Variants in SLC14A1 observed in about 807,000 individuals in gnomAD.
The protein encoded by SLC14A1 is solute carrier family 14 member 1 (Kidd blood group), also known as urea transporter 1.
In SLC14A1, 36 loss-of-function variants were observed where a neutral mutation model predicts 39.6. The observed-to-expected ratio is 0.91, with a 90% confidence interval of 0.70 to 1.20. The LOEUF (loss-of-function observed/expected upper bound fraction) is 1.20. Among genes scored for constraint, SLC14A1 ranks in the 50% most tolerant of loss-of-function variants. SLC14A1 has a pLI of 0.00. For synonymous variants in SLC14A1, 164 were observed against 173.6 expected (o/e 0.94, Z 0.43); for missense variants, 469 against 478.7 (o/e 0.98, Z 0.19).
chr18:45,734,077 A>T, intron 4 of SLC14A1, 197 bp from the exon 5 acceptor site: 2 of 644,498 alleles, frequency 3.1e-6, no homozygotes, highest in Non-Finnish European at 5.2e-6. Flanking sequence ...ATGCACATTT[A>T]TATTTTTATC....
intron 2 of SLC14A1, among the ~76,000 whole-genome samples, chr18:45,726,409 T>C (rs570163075): frequency 1.3e-5 from 2 of 152,272 alleles, no homozygotes; most frequent in African/African-American, 4.8e-5. Context: ...CAATGGAAGT[T>C]TTAAAAAGGA....
At chr18:45,730,104 A>G (rs545249563) in intron 2 of SLC14A1, 196 bp from the exon 3 acceptor site, 2 of 528,002 alleles carry the variant, frequency 3.8e-6, no homozygotes, top group South Asian at 7.2e-5. Flanking sequence ...GTAGCATTAC[A>G]GACACTGATG....
At chr18:45,728,477 G>T (rs551783793) in intron 2 of SLC14A1, among the ~76,000 whole-genome samples, 22 of 152,232 alleles carry the variant, frequency 1.4e-4, no homozygotes, top group African/African-American at 5.3e-4. Context: ...GCTTGTCCTT[G>T]CCTGAGCTGA....
chr18:45,734,400 T>C lies in SLC14A1; in HGVS notation c.468T>C (p.Thr156=), dbSNP rs1010416191. 6.2e-7 allele frequency: 1 copy of C among 1,612,176 alleles called. No individual in the cohort carries two copies. Among genetic ancestry groups the C allele is most frequent in the African/African-American group, 1.3e-5 (1 of 74,652 alleles). The change falls in exon 5 of 10, where the codon ACT becomes ACC. Residue 156 remains threonine, a splice_region_variant and synonymous_variant. Coordinates refer to ENST00000321925, the MANE Select transcript of SLC14A1 (RefSeq NM_015865.7). ...LLLPVCAMSM[T]CPIFSSALNS... ...TCCCTGTATGTGCTATGTCCATGAC[T>C]TGGTAAGTTACAATTGGTTTTCAAA...
chr18:45,742,312 GT>G (rs1314576791), intron 8 of SLC14A1, among the ~76,000 whole-genome samples: 2 of 150,436 alleles, frequency 1.3e-5, no homozygotes, highest in Admixed American at 1.3e-4. Context: ...TGGCGACGAG[GT>G]TTTTGTTTTT....
intron 2 of SLC14A1, among the ~76,000 whole-genome samples, chr18:45,725,884 GCTCAAGGAAGGGGTT>G (rs1174339334): frequency 2.0e-5 from 3 of 152,176 alleles, no homozygotes; most frequent in Non-Finnish European, 4.4e-5. Context: ...TTGATGTTGA[GCTCAAGGAAGGGGTT>G]CTCCAAGGTG....
chr18:45,742,098 G>C (rs2047392613), intron 8 of SLC14A1, among the ~76,000 whole-genome samples: 1 of 152,114 alleles, frequency 6.6e-6, no homozygotes, highest in Non-Finnish European at 1.5e-5. Context: ...GGGAGAAGAA[G>C]AAGTCCATAG....
chr18:45,749,745 G>T, intron 9 of SLC14A1, 33 bp from the exon 10 acceptor site: 1 of 1,614,024 alleles, frequency 6.2e-7, no homozygotes, highest in Non-Finnish European at 8.5e-7. Flanking sequence ...GATGGGATCT[G>T]AAAGGAGCGT....
Position 45,734,435 on chromosome 18 carries a change from T to C in SLC14A1, c.470+33T>C, listed in dbSNP as rs74597469. ...ACAATTGGTTTTCAAAATGCCTTTT[T>C]GAAAAAAAAAACATGGCAGAAGGAG... On this transcript the variant is annotated intron_variant, in intron 5 of 9. Transcript: ENST00000321925. 11 of 1,509,680 alleles carry C rather than the reference T, an allele frequency of 7.3e-6. No homozygotes were observed. The Admixed American group carries it at 2.2e-4, about 30-fold the overall frequency. The allele number at this position is 1,509,680 out of a possible 1,614,324, so 93.5% of individuals were successfully genotyped here.
intron 8 of SLC14A1, 23 bp downstream of exon 8, chr18:45,739,685 G>A: frequency 1.9e-6 from 3 of 1,614,028 alleles, no homozygotes; most frequent in Admixed American, 3.3e-5. Context: ...CGCCCCTGGG[G>A]GAGGGCTGCT....
Position 45,731,246 on chromosome 18 carries a change from C to T in SLC14A1, c.341+42C>T, listed in dbSNP as rs776636321. 8.2e-6 allele frequency: 13 copies of T among 1,575,960 alleles called. No homozygotes were observed. In the African/African-American group the frequency reaches 1.6e-4, roughly 20 times the overall value. ...AAGCCTTCTCAGCTCCCTTCTGAGA[C>T]ACAGGGGCTGACCAGTTACTGTGGG... On this transcript the variant is annotated intron_variant, in intron 4 of 9. Coordinates refer to ENST00000321925, the MANE Select transcript of SLC14A1 (RefSeq NM_015865.7).
In SLC14A1 at chr18:45,750,008, T is replaced by C; in HGVS notation, c.*57T>C. The stretch of plus-strand genomic sequence containing the variant: ...GTCATTTCTGCCTGACTGCTCCAGC[T>C]AACTTCCAGGGTCTCAGCAAACTGC... On this transcript the variant is annotated 3_prime_UTR_variant, in exon 10 of 10. Transcript: ENST00000321925. 1 of 1,613,636 alleles carries C rather than the reference T, an allele frequency of 6.2e-7. No individual in the cohort carries two copies. The highest frequency in any genetic ancestry group is 8.5e-7 in the Non-Finnish European group (1 of 1,180,028).
Position 45,751,890 on chromosome 18 carries a change from C to T in SLC14A1, c.*1939C>T, listed in dbSNP as rs936453117. 6 of 984,834 alleles carry T rather than the reference C, an allele frequency of 6.1e-6. No individual in the cohort carries two copies. Among genetic ancestry groups the T allele is most frequent in the Middle Eastern group, 5.2e-4 (1 of 1,936 alleles). 61.0% of individuals were successfully genotyped at this position (984,834 alleles called of 1,614,324 possible). ...GTATTTTGGAGGTTGGAAAGTGAAA[C>T]GTAGGAATCCTGAAGATTTTTTCCA... On this transcript the variant is annotated 3_prime_UTR_variant, in exon 10 of 10. Transcript: ENST00000321925.
At chr18:45,728,503 A>G (rs901523673) in intron 2 of SLC14A1, among the ~76,000 whole-genome samples, 1 of 152,156 alleles carries the variant, frequency 6.6e-6, no homozygotes, top group Non-Finnish European at 1.5e-5. Flanking sequence ...GATGCCTCCC[A>G]TAAGTTGGTA....
intron 2 of SLC14A1, among the ~76,000 whole-genome samples, chr18:45,725,553 C>T (rs16978467): frequency 0.029 from 4,426 of 152,184 alleles, 84 homozygotes; most frequent in South Asian, 0.043. Context: ...TCAAAGTGAC[C>T]GTGAAGATAG....
rs1282242772 is a variant in SLC14A1, at chr18:45,741,420, A to G, written c.946+1758A>G. 3.9e-5 allele frequency among the ~76,000 whole-genome samples: 6 copies of G among 152,230 alleles called. No individual in the cohort carries two copies. The East Asian group carries it at 1.2e-3, about 29-fold the overall frequency. On this transcript the variant is annotated intron_variant, in intron 8 of 9. Transcript: ENST00000321925. ...ATATGTCTAGAATCAGTTTATCACC[A>G]GATTAATCAAGCCAAGGTATCTAAA...
chr18:45,729,918 C>G (rs2046979919), intron 2 of SLC14A1: 1 of 163,728 alleles, frequency 6.1e-6, no homozygotes, highest in East Asian at 1.7e-4. Flanking sequence ...CAGCATGGAG[C>G]TAACGTACTT....
chr18:45,727,396 T>G, intron 2 of SLC14A1: 1 of 1,549,450 alleles, frequency 6.5e-7, no homozygotes, highest in Non-Finnish European at 8.7e-7. Context: ...AGCTTGGCCC[T>G]GGCAGATGGG....
At chr18:45,732,327 G>A (rs189366167) in intron 4 of SLC14A1, among the ~76,000 whole-genome samples, 6 of 152,302 alleles carry the variant, frequency 3.9e-5, no homozygotes, top group Admixed American at 3.9e-4. Context: ...ATTTGTAGAT[G>A]TTGCCATTAA....
Sources: gnomAD v4.1 joint callset for allele counts (sites outside exome capture counted in the v4.1 genomes callset) on GRCh38, gnomAD v4.1.1 for gene constraint, MANE v1.5 for transcripts, NCBI Gene and HGNC (gene_info 2026-07-23, HGNC 2026-07-21) for gene names.